CTNNA2: variants seen among roughly 807,000 people sequenced by gnomAD.
CTNNA2 encodes catenin alpha-2.
Under a neutral mutation model 101.0 loss-of-function variants are expected in CTNNA2, and 42 were observed. That is an observed-to-expected ratio of 0.42 (90% CI 0.32 to 0.54). CTNNA2 has a LOEUF of 0.54. Ranked by LOEUF, CTNNA2 falls within the 20% of genes least tolerant of loss-of-function variation. The pLI, the probability that CTNNA2 is intolerant of heterozygous loss-of-function variation, is 0.14. For missense variants in CTNNA2, 871 were observed against 1,223.1 expected (o/e 0.71, Z 4.29); for synonymous variants, 450 against 456.4 (o/e 0.99, Z 0.18).
chr2:79,831,709 C>A (rs984046772), intron 3 of CTNNA2, among the ~76,000 whole-genome samples: 3 of 148,394 alleles, frequency 2.0e-5, no homozygotes, highest in Admixed American at 6.8e-5. Flanking sequence ...TAGATGGATT[C>A]TTTTGTTCTC....
At chr2:79,210,235 A>G (rs577574068) in intron 2 of CTNNA2, among the ~76,000 whole-genome samples, 5 of 152,194 alleles carry the variant, frequency 3.3e-5, no homozygotes, top group African/African-American at 1.2e-4. Flanking sequence ...ATTTGAAAGT[A>G]TTTGCAAATA....
chr2:79,763,528 T>C (rs1459098864), intron 3 of CTNNA2, among the ~76,000 whole-genome samples: 2 of 152,214 alleles, frequency 1.3e-5, no homozygotes, highest in Non-Finnish European at 2.9e-5. Context: ...TCAAAGGGCA[T>C]TGCAAGGTAG....
chr2:79,409,877 T>A (rs1354812569), intron 4 of CTNNA2, among the ~76,000 whole-genome samples: 1 of 151,984 alleles, frequency 6.6e-6, no homozygotes, highest in Non-Finnish European at 1.5e-5. Flanking sequence ...ATTGAATCTA[T>A]ATATTACCTT....
chr2:79,696,196 A>T (rs1396245337), intron 2 of CTNNA2, among the ~76,000 whole-genome samples: 1 of 152,044 alleles, frequency 6.6e-6, no homozygotes, highest in Non-Finnish European at 1.5e-5. Flanking sequence ...CTGTGCATTG[A>T]GCTACTGCAA....
At chr2:79,316,024 T>A (rs892543541) in intron 3 of CTNNA2, among the ~76,000 whole-genome samples, 2 of 152,076 alleles carry the variant, frequency 1.3e-5, no homozygotes, top group African/African-American at 4.8e-5. Flanking sequence ...CACTTGTGCA[T>A]TTTTTGGTGT....
chr2:80,208,492 T>C (rs1281274398), intron 7 of CTNNA2, among the ~76,000 whole-genome samples: 1 of 152,160 alleles, frequency 6.6e-6, no homozygotes, highest in Non-Finnish European at 1.5e-5. Flanking sequence ...CAGTTTCCTG[T>C]CCTAATAGGT....
chr2:79,381,723 T>C lies in CTNNA2; in HGVS notation c.-135+7710T>C, dbSNP rs114877182. On this transcript the variant is annotated intron_variant, in intron 4 of 21. Transcript: ENST00000466387. ...CAGCAGCATATGACTTCTCTCTGTC[T>C]ATCCAGTGATCATTCAAAGCTCTCT... Among the ~76,000 whole-genome samples the C allele has an allele frequency of 8.5e-3, 1,296 of 152,314 alleles. 11 individuals carry two copies. The highest frequency in any genetic ancestry group is 0.03 in the African/African-American group (1,233 of 41,574).
In CTNNA2 at chr2:80,290,883, C is replaced by T. The variant is rs1675179640; in HGVS notation, c.1057-102328C>T. ...AGTAGAAAACAAACAAACAATAAAA[C>T]AAGCCAGCAATGACGTAAAACACTA... On this transcript the variant is annotated intron_variant, in intron 7 of 18. Transcript: ENST00000402739. Among the ~76,000 whole-genome samples, 3 of 152,082 alleles carry T rather than the reference C, an allele frequency of 2.0e-5. No individual in the cohort carries two copies. In the South Asian group the frequency reaches 6.2e-4, roughly 31 times the overall value.
intron 1 of CTNNA2, chr2:79,514,833 TAATG>T (rs1671722795): frequency 6.6e-6 from 1 of 152,266 alleles, no homozygotes; most frequent in South Asian, 2.1e-4. Context: ...GGACCAAAAT[TAATG>T]GTGGATTCTT....
intron 2 of CTNNA2, among the ~76,000 whole-genome samples, chr2:79,727,650 A>G (rs1278591497): frequency 6.6e-6 from 1 of 151,688 alleles, no homozygotes; most frequent in Non-Finnish European, 1.5e-5. Flanking sequence ...ATATGTATAC[A>G]TGTGCCATGC....
At chr2:79,990,997 T>C (rs1464710819) in intron 7 of CTNNA2, among the ~76,000 whole-genome samples, 7 of 152,208 alleles carry the variant, frequency 4.6e-5, no homozygotes, top group Non-Finnish European at 8.8e-5. Flanking sequence ...CCTGGTTTAG[T>C]CTTGGGAGGG....
At chr2:79,941,413 G>T (rs370132819) in intron 7 of CTNNA2, among the ~76,000 whole-genome samples, 9 of 152,024 alleles carry the variant, frequency 5.9e-5, no homozygotes, top group Non-Finnish European at 2.9e-5. Flanking sequence ...CTGGTGTTCC[G>T]GGCCGTTGAT....
At position 79,686,032 on chromosome 2, in the gene CTNNA2, C is replaced by T. The variant is rs1026844877; in HGVS notation, c.102+34374C>T. Among the ~76,000 whole-genome samples the T allele has an allele frequency of 2.6e-5, 4 of 152,174 alleles. No individual in the cohort carries two copies. In the South Asian group the frequency reaches 8.3e-4, roughly 32 times the overall value. On this transcript the variant is annotated intron_variant, in intron 2 of 18. Coordinates refer to ENST00000402739, the MANE Select transcript of CTNNA2 (RefSeq NM_001282597.3). The stretch of plus-strand genomic sequence containing the variant: ...TAGGCTGAAGTCTGAAGAGTGAAGT[C>T]AATCACCCAATAATTGTTGGAGGAC...
chr2:79,868,227 C>T (rs534096757), intron 4 of CTNNA2, among the ~76,000 whole-genome samples: 18 of 152,168 alleles, frequency 1.2e-4, no homozygotes, highest in East Asian at 3.9e-4. Flanking sequence ...AAAAAGAAGA[C>T]GCATGCTTTC....
intron 3 of CTNNA2, among the ~76,000 whole-genome samples, chr2:79,334,100 C>A (rs1370429500): frequency 6.6e-6 from 1 of 152,080 alleles, no homozygotes; most frequent in African/African-American, 2.4e-5. Flanking sequence ...GTTCAAAATC[C>A]ACTTTTTAAC....
intron 9 of CTNNA2, among the ~76,000 whole-genome samples, chr2:80,516,133 A>G (rs1324344211): frequency 6.6e-6 from 1 of 152,108 alleles, no homozygotes. Context: ...CAAGCTTAAC[A>G]TCTCTGGGGC....
At chr2:79,835,716 T>C (rs1426642265) in intron 3 of CTNNA2, among the ~76,000 whole-genome samples, 2 of 120,100 alleles carry the variant, frequency 1.7e-5, no homozygotes, top group African/African-American at 3.0e-5. Context: ...GACAGAGTGT[T>C]GCTGTGCCCG....
At chr2:80,448,523 C>T (rs1683241930) in intron 9 of CTNNA2, among the ~76,000 whole-genome samples, 1 of 152,158 alleles carries the variant, frequency 6.6e-6, no homozygotes, top group Admixed American at 6.5e-5. Flanking sequence ...AACTCCAAGC[C>T]TGGGTCTCAC....
chr2:79,856,239 A>G (rs1368858592), intron 3 of CTNNA2, among the ~76,000 whole-genome samples: 1 of 152,210 alleles, frequency 6.6e-6, no homozygotes, highest in Non-Finnish European at 1.5e-5. Context: ...ATTTCCTTAC[A>G]CACCCACATT....
Sources: allele counts gnomAD v4.1 joint callset (sites outside exome capture counted in the v4.1 genomes callset), GRCh38; gene constraint gnomAD v4.1.1; transcripts MANE v1.5; gene names NCBI Gene and HGNC (gene_info 2026-07-23, HGNC 2026-07-21).